ZNF501: variants seen among roughly 807,000 people sequenced by gnomAD.
ZNF501 encodes the protein zinc finger protein 52.
A neutral mutation model predicts 5.7 loss-of-function variants in ZNF501; 7 were observed. That is an observed-to-expected ratio of 1.24 (90% confidence interval 0.70 to 2.32). The LOEUF is 2.32. ZNF501 is among the 30% of genes most tolerant of loss of function. ZNF501 has a pLI of 0.00. For synonymous variants in ZNF501, 107 were observed against 101.9 expected (o/e 1.05, Z -0.30); for missense variants, 352 against 321.1 (o/e 1.10, Z -0.73).
Position 44,734,554 on chromosome 3 carries a change from A to G in ZNF501, c.133A>G (p.Arg45Gly), listed in dbSNP as rs1355977305. Residue 45 changes from arginine to glycine, a missense_variant, in exon 3 of 3, where the codon AGA becomes GGA. By Grantham distance (125) the Arg-to-Gly change is moderately radical (BLOSUM62 -2). Coordinates refer to ENST00000620116, the MANE Select transcript of ZNF501 (RefSeq NM_001258280.2). ...SSLTQHQRIH[R>G]GEKPYVCSEC... Reference sequence around the variant, plus strand: ...TCTTACCCAGCACCAGAGGATTCACAGAGGAGAGAAGCCCTATGTGTGCAG... The same window carrying G: ...TCTTACCCAGCACCAGAGGATTCACGGAGGAGAGAAGCCCTATGTGTGCAG... 1 of 1,614,210 alleles carries G rather than the reference A, an allele frequency of 6.2e-7. No homozygotes were observed. Among genetic ancestry groups the G allele is most frequent in the Non-Finnish European group, 8.5e-7 (1 of 1,180,022 alleles).
chr3:44,732,241 C>T (rs191829025), intron 2 of ZNF501: 95 of 152,270 alleles, frequency 6.2e-4, no homozygotes, highest in African/African-American at 2.1e-3. Flanking sequence ...GAAGAAGGTC[C>T]ATTAAAATAC....
At chr3:44,734,130 T>G in intron 2 of ZNF501, 67 bp from the exon 3 acceptor site, 1 of 280,402 alleles carries the variant, frequency 3.6e-6, no homozygotes, top group Non-Finnish European at 6.7e-6. Context: ...ATTTGATTGT[T>G]TCAGAATCAA....
intron 2 of ZNF501, among the ~76,000 whole-genome samples, chr3:44,733,519 A>T (rs539700487): frequency 6.6e-6 from 1 of 152,314 alleles, no homozygotes; most frequent in South Asian, 2.1e-4. Context: ...AAATGAAGTG[A>T]CTTTATTTTC....
rs1245564882 is a variant in ZNF501 at position 44,736,162 on chromosome 3, C to A, written c.*925C>A. 1 of 167,088 alleles carries A rather than the reference C, an allele frequency of 6.0e-6. No homozygotes were observed. The highest frequency in any genetic ancestry group is 1.5e-5 in the Non-Finnish European group (1 of 68,158). The allele number at this position is 167,088 out of a possible 1,614,324, so 10.4% of individuals were successfully genotyped here. ...TCCAGCAACTGATGCCACTGACTAA[C>A]AACTAGCCACTTGTCAGAGGAAGGA... On this transcript the variant is annotated 3_prime_UTR_variant, in exon 3 of 3. Coordinates refer to ENST00000620116, the MANE Select transcript of ZNF501 (RefSeq NM_001258280.2).
Position 44,736,212 on chromosome 3 carries a change from A to G in ZNF501, c.*975A>G, listed in dbSNP as rs150538377. 6.0e-6 allele frequency: 1 copy of G among 167,090 alleles called. No individual in the cohort carries two copies. Among genetic ancestry groups the G allele is most frequent in the East Asian group, 1.9e-4 (1 of 5,192 alleles). The allele number at this position is 167,090 out of a possible 1,614,324, so 10.4% of individuals were successfully genotyped here. ...AGAGAACAGTGTCTTGGGGATGCTG[A>G]TGGGTTGGAGTGCCTAATGGCTCAT... is the stretch of plus-strand genomic sequence containing the variant. On this transcript the variant is annotated 3_prime_UTR_variant, in exon 3 of 3. Coordinates refer to ENST00000620116, the MANE Select transcript of ZNF501 (RefSeq NM_001258280.2).
chr3:44,734,534 C>G lies in ZNF501; in HGVS notation c.113C>G (p.Thr38Ser), dbSNP rs954084774. 3 of 1,613,966 alleles carry G rather than the reference C, an allele frequency of 1.9e-6. No homozygotes were observed. The African/African-American group carries it at 4.0e-5, about 22-fold the overall frequency. The change falls in exon 3 of 3, where the codon ACC (threonine) becomes AGC (serine). Residue 38 changes from threonine to serine, a missense_variant. Coordinates refer to ENST00000620116, the MANE Select transcript of ZNF501 (RefSeq NM_001258280.2). ...GKFFTQRSSL[T>S]QHQRIHRGEK... ...TTCTTTACTCAGAGATCATCTCTTA[C>G]CCAGCACCAGAGGATTCACAGAGGA...
chr3:44,734,300 C>A lies in ZNF501; in HGVS notation c.-122C>A. The A allele has an allele frequency of 4.0e-6, 3 of 758,540 alleles. No individual in the cohort carries two copies. Among genetic ancestry groups the A allele is most frequent in the Non-Finnish European group, 6.4e-6 (3 of 466,998 alleles). The allele number at this position is 758,540 out of a possible 1,614,324, so 47.0% of individuals were successfully genotyped here. The stretch of plus-strand genomic sequence containing the variant: ...AGGGATGAATGAGAGGACAGCAATG[C>A]ATGTGTGATGTGTGTGAGCACACAC... On this transcript the variant is annotated 5_prime_UTR_variant, in exon 3 of 3. An upstream open reading frame in the 5' UTR gains an earlier in-frame stop. Transcript: ENST00000620116.
chr3:44,733,456 A>G (rs1704645226), intron 2 of ZNF501, among the ~76,000 whole-genome samples: 1 of 152,238 alleles, frequency 6.6e-6, no homozygotes, highest in African/African-American at 2.4e-5. Context: ...TCTAAAGTCC[A>G]GAGAATATGT....
chr3:44,733,780 GTT>G, intron 2 of ZNF501, among the ~76,000 whole-genome samples: 1 of 152,312 alleles, frequency 6.6e-6, no homozygotes, highest in South Asian at 2.1e-4. Context: ...GATGGTGAAT[GTT>G]TTGGAGAGAA....
At position 44,736,322 on chromosome 3, in the gene ZNF501, C is replaced by T. The variant is rs1704699540; in HGVS notation, c.*1085C>T. The T allele has an allele frequency of 6.0e-6, 1 of 167,030 alleles. No homozygotes were observed. The highest frequency in any genetic ancestry group is 6.6e-5 in the Admixed American group (1 of 15,266). The allele number at this position is 167,030 out of a possible 1,614,324, so 10.3% of individuals were successfully genotyped here. A position where few individuals can be genotyped will look rare whatever the true frequency, so the allele number is the denominator to read the frequency against. Reference sequence around the variant, plus strand: ...CTAAGCCTTTTAATGTAAACAAGCACCTCTAACGCTAAAAGCACCCTTGCA... The same window carrying T: ...CTAAGCCTTTTAATGTAAACAAGCATCTCTAACGCTAAAAGCACCCTTGCA... On this transcript the variant is annotated 3_prime_UTR_variant, in exon 3 of 3. Coordinates refer to ENST00000620116, the MANE Select transcript of ZNF501 (RefSeq NM_001258280.2).
chr3:44,736,961 T>G lies in ZNF501; in HGVS notation c.*1724T>G, dbSNP rs1704711381. ...ATCCTTGATTCCTTCTCTTTACTTT[T>G]TTTTTCTTTTTTCTTTTTTTAAAGA... On this transcript the variant is annotated 3_prime_UTR_variant, in exon 3 of 3. Transcript: ENST00000620116. 1 of 167,054 alleles carries G rather than the reference T, an allele frequency of 6.0e-6. No individual in the cohort carries two copies. The highest frequency in any genetic ancestry group is 1.5e-5 in the Non-Finnish European group (1 of 68,104). The allele number at this position is 167,054 out of a possible 1,614,324, so 10.3% of individuals were successfully genotyped here. A position where few individuals can be genotyped will look rare whatever the true frequency, so the allele number is the denominator to read the frequency against.
chr3:44,735,339 T>C lies in ZNF501; in HGVS notation c.*102T>C. On this transcript the variant is annotated 3_prime_UTR_variant, in exon 3 of 3. Coordinates refer to ENST00000620116, the MANE Select transcript of ZNF501 (RefSeq NM_001258280.2). Reference sequence around the variant, plus strand: ...ACTCAATCTGTAGCTAGTATGAATATTTTGTATTTTGAACAAGAAATGTTG... The same window carrying C: ...ACTCAATCTGTAGCTAGTATGAATACTTTGTATTTTGAACAAGAAATGTTG... 1.9e-6 allele frequency: 2 copies of C among 1,070,232 alleles called. No homozygotes were observed. The highest frequency in any genetic ancestry group is 3.5e-5 in the South Asian group (2 of 57,414). 66.3% of individuals were successfully genotyped at this position (1,070,232 alleles called of 1,614,324 possible). A position where few individuals can be genotyped will look rare whatever the true frequency, so the allele number is the denominator to read the frequency against.
rs1391904667 is a variant in ZNF501, at chr3:44,734,292, C to G, written c.-130C>G. The G allele has an allele frequency of 4.2e-6, 3 of 722,000 alleles. No homozygotes were observed. Among genetic ancestry groups the G allele is most frequent in the Non-Finnish European group, 6.8e-6 (3 of 438,402 alleles). The allele number at this position is 722,000 out of a possible 1,614,324, so 44.7% of individuals were successfully genotyped here. ...AATCCTGCAGGGATGAATGAGAGGACAGCAATGCATGTGTGATGTGTGTGA... is the reference window on the plus strand; with the variant it reads ...AATCCTGCAGGGATGAATGAGAGGAGAGCAATGCATGTGTGATGTGTGTGA... On this transcript the variant is annotated 5_prime_UTR_variant, in exon 3 of 3. Transcript: ENST00000620116.
In ZNF501 at chr3:44,735,055, C is replaced by A; in HGVS notation, c.634C>A (p.His212Asn). 1 of 1,614,182 alleles carries A rather than the reference C, an allele frequency of 6.2e-7. No homozygotes were observed. The highest frequency in any genetic ancestry group is 1.1e-5 in the South Asian group (1 of 91,084). ...NSSLVEHERT[H>N]TGEKLYKCSE... is the part of the protein sequence containing the mutation. ...TTCCCTTGTTGAACATGAAAGGACT[C>A]ACACTGGAGAGAAACTTTATAAGTG... The change falls in exon 3 of 3, where the codon CAC (histidine) becomes AAC (asparagine). Residue 212 changes from histidine (H) to asparagine (N), a missense_variant. His to Asn is a moderately conservative substitution (Grantham distance 68). Coordinates refer to ENST00000620116, the MANE Select transcript of ZNF501 (RefSeq NM_001258280.2).
In ZNF501 at chr3:44,735,623, T is replaced by G. The variant is rs1704687611; in HGVS notation, c.*386T>G. ...TTGTTTGGTTCTCATAATGTATTGT[T>G]TCTTAAGAACATTTTGTAATTGGGC... On this transcript the variant is annotated 3_prime_UTR_variant, in exon 3 of 3. Transcript: ENST00000620116. 5.6e-6 allele frequency: 1 copy of G among 177,816 alleles called. No homozygotes were observed. Among genetic ancestry groups the G allele is most frequent in the Non-Finnish European group, 1.3e-5 (1 of 74,532 alleles). 11.0% of individuals were successfully genotyped at this position (177,816 alleles called of 1,614,324 possible).
Position 44,735,268 on chromosome 3 carries a change from T to C in ZNF501, c.*31T>C. The C allele has an allele frequency of 6.7e-7, 1 of 1,501,164 alleles. No homozygotes were observed. Among genetic ancestry groups the C allele is most frequent in the Non-Finnish European group, 8.9e-7 (1 of 1,120,154 alleles). 93.0% of individuals were successfully genotyped at this position (1,501,164 alleles called of 1,614,324 possible). A position where few individuals can be genotyped will look rare whatever the true frequency, so the allele number is the denominator to read the frequency against. Reference sequence around the variant, plus strand: ...GGAATATAATGAGTATGGGAAGATTTGTATGGAAGCACCTTTTTTTTCTCC... The same window carrying C: ...GGAATATAATGAGTATGGGAAGATTCGTATGGAAGCACCTTTTTTTTCTCC... On this transcript the variant is annotated 3_prime_UTR_variant, in exon 3 of 3. Coordinates refer to ENST00000620116, the MANE Select transcript of ZNF501 (RefSeq NM_001258280.2).
Position 44,734,508 on chromosome 3 carries a change from G to T in ZNF501, c.87G>T (p.Lys29Asn), listed in dbSNP as rs774142920. 1 of 1,614,148 alleles carries T rather than the reference G, an allele frequency of 6.2e-7. No individual in the cohort carries two copies. The highest frequency in any genetic ancestry group is 8.5e-7 in the Non-Finnish European group (1 of 1,180,016). The change falls in exon 3 of 3, where the codon AAG (lysine) becomes AAT (asparagine). Residue 29 changes from lysine to asparagine, a missense_variant. Physicochemically the swap from Lys to Asn is moderately conservative, Grantham distance 94. Coordinates refer to ENST00000620116, the MANE Select transcript of ZNF501 (RefSeq NM_001258280.2). Reference protein sequence around the residue: ...KKPSKCSECGKFFTQRSSLTQ... With the variant: ...KKPSKCSECGNFFTQRSSLTQ... ...CTTCAAAGTGTAGTGAATGTGGGAA[G>T]TTCTTTACTCAGAGATCATCTCTTA...
At chr3:44,732,220 A>G (rs1704625613) in intron 2 of ZNF501, 1 of 152,270 alleles carries the variant, frequency 6.6e-6, no homozygotes, top group African/African-American at 2.4e-5. Context: ...ATATGCATCA[A>G]GAGATACCTA....
At chr3:44,732,186 A>G (rs1467981062) in intron 2 of ZNF501, 1 of 152,214 alleles carries the variant, frequency 6.6e-6, no homozygotes, top group African/African-American at 2.4e-5. Flanking sequence ...TAATATATGT[A>G]CACTTATGTA....
Sources: gnomAD v4.1 joint callset for allele counts (sites outside exome capture counted in the v4.1 genomes callset) on GRCh38, gnomAD v4.1.1 for gene constraint, MANE v1.5 for transcripts, NCBI Gene and HGNC (gene_info 2026-07-23, HGNC 2026-07-21) for gene names.